CRYBA4: variants seen among roughly 807,000 people sequenced by gnomAD.
The protein encoded by CRYBA4 is beta-crystallin A4.
In CRYBA4, 30 loss-of-function variants were observed where a neutral mutation model predicts 31.7. The ratio of observed to expected loss-of-function variants is 0.95; its 90% CI spans 0.71 to 1.28. CRYBA4 has a LOEUF of 1.28. CRYBA4 is among the 50% of genes most tolerant of loss of function. The probability of loss-of-function intolerance (pLI) is 0.00; values close to 1 mark genes in which losing one functional copy is unlikely to be tolerated. For missense variants in CRYBA4, 225 were observed against 260.7 expected (o/e 0.86, Z 0.94); for synonymous variants, 102 against 102.3 (o/e 1.00, Z 0.02).
the CRYBA4 span, among the ~76,000 whole-genome samples, chr22:26,607,088 T>C: frequency 1.4e-5 from 2 of 147,820 alleles, no homozygotes; most frequent in South Asian, 4.3e-4. Context: ...AATGGCATGA[T>C]CTCGGCTCAC....
chr22:26,600,677 T>A, the CRYBA4 span, among the ~76,000 whole-genome samples: 1 of 152,262 alleles, frequency 6.6e-6, no homozygotes, highest in South Asian at 2.1e-4. Flanking sequence ...AAGCACTCAA[T>A]AGAAGTTATC....
At chr22:26,621,352 T>C (rs1430647210), upstream of CRYBA4, among the ~76,000 whole-genome samples, 3 of 152,206 alleles carry the variant, frequency 2.0e-5, no homozygotes, top group African/African-American at 4.8e-5. Flanking sequence ...AGCTCTTTCT[T>C]GTACATGTGC....
At chr22:26,614,771 C>T in the CRYBA4 span, among the ~76,000 whole-genome samples, 234 of 152,168 alleles carry the variant, frequency 1.5e-3, 2 homozygotes, top group African/African-American at 5.3e-3. Context: ...GCTAGGAGTT[C>T]GAGACCAGCC....
chr22:26,594,507 A>C, the CRYBA4 span, among the ~76,000 whole-genome samples: 5 of 152,168 alleles, frequency 3.3e-5, no homozygotes, highest in African/African-American at 1.2e-4. Context: ...CCTGAGACTC[A>C]AAGATTCACA....
Position 26,630,580 on chromosome 22 carries a change from G to A in CRYBA4, c.*93G>A, listed in dbSNP as rs867120926. 1 of 1,122,094 alleles carries A rather than the reference G, an allele frequency of 8.9e-7. No homozygotes were observed. The highest frequency in any genetic ancestry group is 1.3e-6 in the Non-Finnish European group (1 of 768,206). 69.5% of individuals were successfully genotyped at this position (1,122,094 alleles called of 1,614,324 possible). A position where few individuals can be genotyped will look rare whatever the true frequency, so the allele number is the denominator to read the frequency against. On this transcript the variant is annotated 3_prime_UTR_variant, in exon 6 of 6. Transcript: ENST00000354760. ...GTGTTCTCTCCTTCTGCCTCCCCCTGTAACCTGTGTGAACCCAGCACCCAT... is the reference window on the plus strand; with the variant it reads ...GTGTTCTCTCCTTCTGCCTCCCCCTATAACCTGTGTGAACCCAGCACCCAT...
chr22:26,592,419 G>A, the CRYBA4 span, among the ~76,000 whole-genome samples: 2 of 152,374 alleles, frequency 1.3e-5, no homozygotes, highest in South Asian at 4.1e-4. Flanking sequence ...GGCAGGAGCA[G>A]CAGAGATTAA....
At chr22:26,627,368 CTTTCTT>C (rs1929742680) in intron 4 of CRYBA4, among the ~76,000 whole-genome samples, 1 of 41,404 alleles carries the variant, frequency 2.4e-5, no homozygotes, top group African/African-American at 1.4e-4. Context: ...TCCTTTCTTT[CTTTCTT>C]TCTTTCTTTC....
the CRYBA4 span, among the ~76,000 whole-genome samples, chr22:26,604,934 T>A: frequency 6.6e-6 from 1 of 152,124 alleles, no homozygotes; most frequent in Non-Finnish European, 1.5e-5. Flanking sequence ...AAGACCCTGG[T>A]CTCCACCACC....
Position 26,623,294 on chromosome 22 carries a change from C to G in CRYBA4, c.100C>G (p.Pro34Ala), listed in dbSNP as rs747125946. The G allele has an allele frequency of 2.5e-6, 4 of 1,613,936 alleles. No homozygotes were observed. The highest frequency in any genetic ancestry group is 3.4e-6 in the Non-Finnish European group (4 of 1,180,036). Reference protein sequence around the residue: ...GRRHEFTAECPSVLELGFETV... With the variant: ...GRRHEFTAECASVLELGFETV... Reference sequence around the variant, plus strand: ...GCGGCACGAGTTCACGGCCGAGTGCCCCAGCGTGCTGGAGCTTGGCTTCGA... The same window carrying G: ...GCGGCACGAGTTCACGGCCGAGTGCGCCAGCGTGCTGGAGCTTGGCTTCGA... Residue 34 changes from proline to alanine, a missense_variant, in exon 3 of 6, where the codon CCC (proline) becomes GCC (alanine). By Grantham distance (27) the Pro-to-Ala change is conservative. Coordinates refer to ENST00000354760, the MANE Select transcript of CRYBA4 (RefSeq NM_001886.3).
upstream of CRYBA4, chr22:26,618,095 A>C (rs1168077112): frequency 6.5e-6 from 1 of 153,172 alleles, no homozygotes. Context: ...CTGTGGCACA[A>C]AGGGGAAGCT....
the CRYBA4 span, among the ~76,000 whole-genome samples, chr22:26,602,715 C>T: frequency 6.6e-6 from 1 of 152,202 alleles, no homozygotes; most frequent in Non-Finnish European, 1.5e-5. Flanking sequence ...AGAAACACTT[C>T]ATTCCTAAGC....
upstream of CRYBA4, among the ~76,000 whole-genome samples, chr22:26,620,712 C>CA (rs1745093992): frequency 0.042 from 3 of 72 alleles, no homozygotes; most frequent in African/African-American, 0.25. Flanking sequence ...TACAGGCGCC[C>CA]GCGCTACTCC....
upstream of CRYBA4, among the ~76,000 whole-genome samples, chr22:26,619,585 C>T (rs1929467624): frequency 6.6e-6 from 1 of 152,220 alleles, no homozygotes; most frequent in Non-Finnish European, 1.5e-5. Context: ...GAGCCCAGCT[C>T]TGTCTTGAAC....
chr22:26,621,774 TC>T (rs948079692), upstream of CRYBA4, among the ~76,000 whole-genome samples: 2 of 152,200 alleles, frequency 1.3e-5, no homozygotes, highest in Non-Finnish European at 2.9e-5. Context: ...TCGTGGCTGA[TC>T]CCTGGGGGTG....
rs750142704 is a variant in CRYBA4, at chr22:26,623,284, G to A, written c.90G>A (p.Thr30=). The stretch of plus-strand genomic sequence containing the variant: ...TCCAGGGCCGGCGGCACGAGTTCAC[G>A]GCCGAGTGCCCCAGCGTGCTGGAGC... ...DGFQGRRHEF[T]AECPSVLELG... Residue 30 remains threonine (T), a synonymous_variant, in exon 3 of 6, where the codon ACG becomes ACA. Coordinates refer to ENST00000354760, the MANE Select transcript of CRYBA4 (RefSeq NM_001886.3). The A allele has an allele frequency of 1.7e-5, 28 of 1,613,886 alleles. No homozygotes were observed. Among genetic ancestry groups the A allele is most frequent in the Middle Eastern group, 1.6e-4 (1 of 6,084 alleles).
At chr22:26,601,398 G>A in the CRYBA4 span, among the ~76,000 whole-genome samples, 1 of 152,112 alleles carries the variant, frequency 6.6e-6, no homozygotes, top group African/African-American at 2.4e-5. Flanking sequence ...TGGCAAGACT[G>A]AGAGGCAGAG....
intron 2 of CRYBA4, 31 bp downstream of exon 2, chr22:26,622,666 G>C: frequency 1.3e-6 from 2 of 1,530,658 alleles, no homozygotes; most frequent in Non-Finnish European, 1.8e-6. Flanking sequence ...GGGGTGTTCA[G>C]GGGGTATGGG....
At chr22:26,609,705 G>A in the CRYBA4 span, among the ~76,000 whole-genome samples, 8 of 152,178 alleles carry the variant, frequency 5.3e-5, no homozygotes, top group Non-Finnish European at 5.9e-5. Flanking sequence ...GTGGATAGAC[G>A]CATGGGTGAA....
chr22:26,602,931 G>A, the CRYBA4 span, among the ~76,000 whole-genome samples: 1 of 151,558 alleles, frequency 6.6e-6, no homozygotes, highest in Non-Finnish European at 1.5e-5. Context: ...AGACCATCCT[G>A]GCTAACACGA....
Sources: gnomAD v4.1 joint callset for allele counts (sites outside exome capture counted in the v4.1 genomes callset) on GRCh38, gnomAD v4.1.1 for gene constraint, MANE v1.5 for transcripts, NCBI Gene and HGNC (gene_info 2026-07-23, HGNC 2026-07-21) for gene names.